The following HS6ST3 variants were observed in gnomAD, a reference collection of about 807,000 sequenced individuals.
HS6ST3 encodes heparan sulfate 6-O-sulfotransferase 3.
HS6ST3 carries 12 observed loss-of-function variants against 36.7 expected under a neutral mutation model. The ratio of observed to expected loss-of-function variants is 0.33; its 90% CI spans 0.21 to 0.53. The LOEUF (loss-of-function observed/expected upper bound fraction) is 0.53. Among genes scored for constraint, HS6ST3 ranks in the 20% least tolerant of loss-of-function variants. The pLI is 0.95. For missense variants in HS6ST3, 584 were observed against 640.9 expected, an observed-to-expected ratio of 0.91 and a Z score of 0.96; for synonymous variants, 240 against 257.5, an observed-to-expected ratio of 0.93 and a Z score of 0.65.
chr13:96,635,203 G>A (rs1158650147), intron 1 of HS6ST3, among the ~76,000 whole-genome samples: 5 of 152,088 alleles, frequency 3.3e-5, no homozygotes, highest in South Asian at 4.2e-4. Flanking sequence ...TAAAAACACA[G>A]ATATGAGTCT....
chr13:96,651,150 C>T (rs997637634), intron 1 of HS6ST3, among the ~76,000 whole-genome samples: 2 of 152,018 alleles, frequency 1.3e-5, no homozygotes, highest in African/African-American at 4.8e-5. Flanking sequence ...ATTTTTCTAT[C>T]ATCAATTATT....
intron 1 of HS6ST3, among the ~76,000 whole-genome samples, chr13:96,384,818 T>C (rs2139448148): frequency 6.6e-6 from 1 of 152,276 alleles, no homozygotes; most frequent in East Asian, 1.9e-4. Context: ...TTAACAATCT[T>C]GTTGTATACT....
At chr13:96,580,193 C>CATAT (rs3051282) in intron 1 of HS6ST3, among the ~76,000 whole-genome samples, 338 of 140,488 alleles carry the variant, frequency 2.4e-3, no homozygotes, top group African/African-American at 5.1e-3. Context: ...CCCATCCAGA[C>CATAT]ATATATATAT....
At chr13:96,193,395 A>G (rs957640007) in intron 1 of HS6ST3, among the ~76,000 whole-genome samples, 5 of 152,154 alleles carry the variant, frequency 3.3e-5, no homozygotes, top group African/African-American at 1.2e-4. Context: ...AAGGTAGTGT[A>G]GATAACTAAA....
chr13:96,322,429 C>T (rs987996683), intron 1 of HS6ST3, among the ~76,000 whole-genome samples: 5 of 150,794 alleles, frequency 3.3e-5, no homozygotes, highest in East Asian at 2.0e-4. Flanking sequence ...TGGTGGTTCA[C>T]GCCTGTAGTC....
chr13:96,696,242 T>C (rs1038507854), intron 1 of HS6ST3, among the ~76,000 whole-genome samples: 7 of 152,204 alleles, frequency 4.6e-5, no homozygotes, highest in Non-Finnish European at 5.9e-5. Context: ...AGATGTCTTC[T>C]TTCTCAAGGG....
intron 1 of HS6ST3, among the ~76,000 whole-genome samples, chr13:96,361,958 A>G (rs1297417676): frequency 6.6e-6 from 1 of 152,208 alleles, no homozygotes; most frequent in African/African-American, 2.4e-5. Context: ...ACTGGTTAAA[A>G]TGCAAATCAA....
chr13:96,179,194 T>TA (rs1418725162), intron 1 of HS6ST3, among the ~76,000 whole-genome samples: 1 of 152,056 alleles, frequency 6.6e-6, no homozygotes, highest in Non-Finnish European at 1.5e-5. Context: ...ATGGCCAAGG[T>TA]ACCTTCAAAA....
chr13:96,615,072 G>A (rs1033332739), intron 1 of HS6ST3, among the ~76,000 whole-genome samples: 1 of 151,830 alleles, frequency 6.6e-6, no homozygotes, highest in African/African-American at 2.4e-5. Context: ...ACTCATCTTA[G>A]GTTTTATGAT....
At chr13:96,174,056 C>T (rs555676848) in intron 1 of HS6ST3, among the ~76,000 whole-genome samples, 1 of 152,146 alleles carries the variant, frequency 6.6e-6, no homozygotes, top group South Asian at 2.1e-4. Context: ...GTTGTCAGTT[C>T]CTTGGTGCTC....
Position 96,564,858 on chromosome 13 carries a change from A to G in HS6ST3, c.708-267632A>G, listed in dbSNP as rs1420501586. On this transcript the variant is annotated intron_variant, in intron 1 of 1. Transcript: ENST00000376705. ...AGTAACTAAATTTCCTACTAAATCC[A>G]TGAGAGACTATCTATTTTCCATATG... 3.3e-5 allele frequency among the ~76,000 whole-genome samples: 5 copies of G among 152,288 alleles called. 1 individual carries two copies. In the South Asian group the frequency reaches 6.2e-4, roughly 19 times the overall value.
At chr13:96,115,502 G>C (rs2053889970) in intron 1 of HS6ST3, among the ~76,000 whole-genome samples, 1 of 152,096 alleles carries the variant, frequency 6.6e-6, no homozygotes, top group South Asian at 2.1e-4. Flanking sequence ...TGCGGTGTTT[G>C]GTTTTCTTTT....
intron 1 of HS6ST3, among the ~76,000 whole-genome samples, chr13:96,651,453 T>G (rs995639559): frequency 6.6e-6 from 1 of 151,974 alleles, no homozygotes; most frequent in Non-Finnish European, 1.5e-5. Flanking sequence ...TCTTGCCTCC[T>G]CTGATATCCC....
At chr13:96,738,221 G>T (rs1339318436) in intron 1 of HS6ST3, among the ~76,000 whole-genome samples, 2 of 152,148 alleles carry the variant, frequency 1.3e-5, no homozygotes, top group African/African-American at 4.8e-5. Flanking sequence ...AGACGTTACC[G>T]AAGGCTGATG....
rs1341892761 is a variant in HS6ST3, at chr13:96,090,510, C to A, written c.-353C>A. Among the ~76,000 whole-genome samples the A allele has an allele frequency of 1.4e-4, 20 of 146,698 alleles. No individual in the cohort carries two copies. The East Asian group carries it at 3.8e-3, about 28-fold the overall frequency. ...AGGACCCGAACCCCGCTCCCCAGCG[C>A]CTGAGCGCCTGCAAGCCGCCGGCGG... is the stretch of plus-strand genomic sequence containing the variant. On this transcript the variant is annotated 5_prime_UTR_variant, in exon 1 of 2. Coordinates refer to ENST00000376705, the MANE Select transcript of HS6ST3 (RefSeq NM_153456.4).
At chr13:96,555,364 A>G (rs1478347083) in intron 1 of HS6ST3, among the ~76,000 whole-genome samples, 1 of 152,178 alleles carries the variant, frequency 6.6e-6, no homozygotes, top group Non-Finnish European at 1.5e-5. Flanking sequence ...ATTCTTCAGG[A>G]CCAGTGGTCA....
intron 1 of HS6ST3, among the ~76,000 whole-genome samples, chr13:96,208,789 G>C (rs942278161): frequency 6.6e-6 from 1 of 152,042 alleles, no homozygotes; most frequent in African/African-American, 2.4e-5. Flanking sequence ...CAATTAAAAG[G>C]GTACGAGGTG....
At chr13:96,209,024 G>C (rs964638890) in intron 1 of HS6ST3, among the ~76,000 whole-genome samples, 1 of 152,172 alleles carries the variant, frequency 6.6e-6, no homozygotes, top group African/African-American at 2.4e-5. Flanking sequence ...CCAAAGTTAT[G>C]TAACAGATAA....
chr13:96,431,088 T>C (rs931721949), intron 1 of HS6ST3, among the ~76,000 whole-genome samples: 1 of 151,884 alleles, frequency 6.6e-6, no homozygotes, highest in African/African-American at 2.4e-5. Flanking sequence ...CCTGTAGCCC[T>C]AGCTATGCAG....
Sources: allele counts gnomAD v4.1 joint callset (sites outside exome capture counted in the v4.1 genomes callset), GRCh38; gene constraint gnomAD v4.1.1; transcripts MANE v1.5; gene names NCBI Gene and HGNC (gene_info 2026-07-23, HGNC 2026-07-21).